The following RIBC2 variants were observed in gnomAD, a reference collection of about 807,000 sequenced individuals.
RIBC2 encodes RIB43A-like with coiled-coils protein 2.
A neutral mutation model predicts 44.3 loss-of-function variants in RIBC2; 40 were observed. That is an observed-to-expected ratio of 0.90 (90% confidence interval 0.70 to 1.18). RIBC2 has a LOEUF of 1.18. RIBC2 is among the 50% of genes most tolerant of loss of function. The pLI is 0.00. For synonymous variants in RIBC2, 171 were observed against 175.0 expected (o/e 0.98, Z 0.18); for missense variants, 459 against 485.5 (o/e 0.95, Z 0.51).
intron 2 of RIBC2, among the ~76,000 whole-genome samples, chr22:45,417,279 A>T (rs2087434283): frequency 6.6e-6 from 1 of 151,794 alleles, no homozygotes; most frequent in Non-Finnish European, 1.5e-5. Context: ...GGGTTTTTTT[A>T]ATTGATTTGT....
rs1454648662 is a variant in RIBC2, at chr22:45,414,035, G to A, written c.129+20G>A. 3.2e-6 allele frequency: 5 copies of A among 1,551,270 alleles called. No individual in the cohort carries two copies. The East Asian group carries it at 1.2e-4, about 38-fold the overall frequency. Reference sequence around the variant, plus strand: ...ATTGGGGTGAAAGGGCAGGGGCCGGGACGGGGTTAGAGCGGCAGATGCGGG... The same window carrying A: ...ATTGGGGTGAAAGGGCAGGGGCCGGAACGGGGTTAGAGCGGCAGATGCGGG... On this transcript the variant is annotated intron_variant, in intron 1 of 6. Transcript: ENST00000614167.
chr22:45,415,603 G>GTATATATA (rs59918831), intron 2 of RIBC2, among the ~76,000 whole-genome samples: 1 of 149,272 alleles, frequency 6.7e-6, no homozygotes, highest in Non-Finnish European at 1.5e-5. Flanking sequence ...TTATATATGT[G>GTATATATA]TATATATATA....
intron 3 of RIBC2, 89 bp downstream of exon 3, chr22:45,418,035 GTTTTTT>G: frequency 2.3e-6 from 1 of 440,830 alleles, no homozygotes; most frequent in Non-Finnish European, 3.9e-6. Flanking sequence ...CAACCCTACA[GTTTTTT>G]TTTTTTTTTA....
chr22:45,414,568 G>C (rs964967006), intron 2 of RIBC2, among the ~76,000 whole-genome samples, 165 bp downstream of exon 2: 1 of 151,136 alleles, frequency 6.6e-6, no homozygotes, highest in African/African-American at 2.4e-5. Context: ...TGGAACTCCT[G>C]CGTGCAAGTG....
At chr22:45,417,379 A>G (rs1477469805) in intron 2 of RIBC2, among the ~76,000 whole-genome samples, 1 of 152,080 alleles carries the variant, frequency 6.6e-6, no homozygotes, top group East Asian at 1.9e-4. Context: ...CACTGAAAAA[A>G]TTAGTTTTTA....
At chr22:45,432,141 G>T in intron 6 of RIBC2, 143 bp from the exon 7 acceptor site, 1 of 556,888 alleles carries the variant, frequency 1.8e-6, no homozygotes. Context: ...CATTTTGGGG[G>T]GCTCATTAGG....
At chr22:45,414,493 T>A (rs1196320295) in intron 2 of RIBC2, 90 bp downstream of exon 2, 12 of 822,076 alleles carry the variant, frequency 1.5e-5, no homozygotes, top group South Asian at 6.4e-5. Flanking sequence ...CCCGCCTTTT[T>A]TTTTTTATTT....
rs1409894793 is a variant in RIBC2 at position 45,414,066 on chromosome 22, G to A, written c.129+51G>A. On this transcript the variant is annotated intron_variant, in intron 1 of 6. Transcript: ENST00000614167. The stretch of plus-strand genomic sequence containing the variant: ...GTTAGAGCGGCAGATGCGGGCGAGG[G>A]GCTGCGTGGAGGGGGAAAGGAGATG... The A allele has an allele frequency of 3.9e-6, 6 of 1,545,224 alleles. No homozygotes were observed. In the East Asian group the frequency reaches 9.8e-5, roughly 25 times the overall value.
chr22:45,414,488 C>A, intron 2 of RIBC2, 85 bp downstream of exon 2: 1 of 701,252 alleles, frequency 1.4e-6, no homozygotes, highest in Non-Finnish European at 2.1e-6. Context: ...CCTGCCCCGC[C>A]TTTTTTTTTT....
At chr22:45,414,140 C>A (rs774721511) in intron 1 of RIBC2, 125 bp downstream of exon 1, 60 of 1,482,632 alleles carry the variant, frequency 4.0e-5, no homozygotes, top group Non-Finnish European at 5.1e-5. Context: ...CGGCCTCCTG[C>A]AGGGCCAATA....
intron 2 of RIBC2, 146 bp downstream of exon 2, chr22:45,414,549 A>C: frequency 2.0e-6 from 1 of 511,338 alleles, no homozygotes; most frequent in South Asian, 3.0e-5. Flanking sequence ...TATGTTGCCC[A>C]GGCTGGTCTG....
Position 45,422,546 on chromosome 22 carries a change from C to T in RIBC2, c.675+138C>T, listed in dbSNP as rs183352645. On this transcript the variant is annotated intron_variant, in intron 4 of 6. Transcript: ENST00000614167. ...TCACATGACCGGCCCTGACAGAGACCCTGATGGGCTGCCTGATGACAGAGA... is the reference window on the plus strand; with the variant it reads ...TCACATGACCGGCCCTGACAGAGACTCTGATGGGCTGCCTGATGACAGAGA... The T allele has an allele frequency of 2.1e-4, 144 of 691,632 alleles. No homozygotes were observed. The East Asian group carries it at 3.3e-3, about 16-fold the overall frequency. 42.8% of individuals were successfully genotyped at this position (691,632 alleles called of 1,614,324 possible). A position where few individuals can be genotyped will look rare whatever the true frequency, so the allele number is the denominator to read the frequency against.
chr22:45,425,992 A>G lies in RIBC2; in HGVS notation c.720A>G (p.Glu240=). The stretch of plus-strand genomic sequence containing the variant: ...GGAAAAAGCAAGAGAAAAAGCAAGA[A>G]CAAGAGGACAACTTGGCCGAGATCA... ...VERKKQEKKQ[E]QEDNLAEITN... is the part of the protein sequence containing the mutation. The change falls in exon 5 of 7, where the codon GAA becomes GAG. Residue 240 remains glutamate, a synonymous_variant. Transcript: ENST00000614167. The G allele has an allele frequency of 1.2e-6, 2 of 1,614,052 alleles. No homozygotes were observed. Among genetic ancestry groups the G allele is most frequent in the Non-Finnish European group, 1.7e-6 (2 of 1,180,010 alleles).
At position 45,422,358 on chromosome 22, in the gene RIBC2, A is replaced by G; in HGVS notation, c.625A>G (p.Thr209Ala). Residue 209 changes from threonine to alanine, a missense_variant, in exon 4 of 7, where the codon ACC (threonine) becomes GCC (alanine). Physicochemically the swap from Thr to Ala is moderately conservative, Grantham distance 58. Coordinates refer to ENST00000614167, the MANE Select transcript of RIBC2 (RefSeq NM_015653.5). ...TAKHLQKLES[T>A]TRKAVCASVK... ...CAAGCACCTCCAGAAGCTGGAAAGCACCACCAGAAAGGCAGTTTGTGCATC... is the reference window on the plus strand; with the variant it reads ...CAAGCACCTCCAGAAGCTGGAAAGCGCCACCAGAAAGGCAGTTTGTGCATC... The G allele has an allele frequency of 6.2e-7, 1 of 1,614,210 alleles. No homozygotes were observed. Among genetic ancestry groups the G allele is most frequent in the South Asian group, 1.1e-5 (1 of 91,084 alleles).
intron 4 of RIBC2, among the ~76,000 whole-genome samples, 189 bp from the exon 5 acceptor site, chr22:45,425,759 C>T (rs192372868): frequency 9.8e-5 from 15 of 152,290 alleles, no homozygotes; most frequent in African/African-American, 3.4e-4. Context: ...ACCCGCCCAG[C>T]AGTGCGCAGG....
At chr22:45,414,635 C>T (rs764906055) in intron 2 of RIBC2, among the ~76,000 whole-genome samples, 13 of 152,056 alleles carry the variant, frequency 8.5e-5, no homozygotes, top group Non-Finnish European at 1.5e-4. Flanking sequence ...CCACGGTACC[C>T]AGCCCTCCTT....
At chr22:45,415,637 C>T (rs1421558376) in intron 2 of RIBC2, among the ~76,000 whole-genome samples, 1 of 151,828 alleles carries the variant, frequency 6.6e-6, no homozygotes. Flanking sequence ...CAACACTGCC[C>T]TGCCCCCTAC....
At chr22:45,427,842 C>G (rs1028222872) in intron 5 of RIBC2, among the ~76,000 whole-genome samples, 6 of 152,212 alleles carry the variant, frequency 3.9e-5, no homozygotes, top group African/African-American at 1.4e-4. Context: ...GTCATGTTGG[C>G]CAGGCTGGTC....
At chr22:45,431,671 A>G (rs1255466415) in intron 6 of RIBC2, among the ~76,000 whole-genome samples, 1 of 152,110 alleles carries the variant, frequency 6.6e-6, no homozygotes, top group South Asian at 2.1e-4. Context: ...TAAAAGGAGC[A>G]TTAAGAGTGA....
Sources: gnomAD v4.1 joint callset for allele counts (sites outside exome capture counted in the v4.1 genomes callset) on GRCh38, gnomAD v4.1.1 for gene constraint, MANE v1.5 for transcripts, NCBI Gene and HGNC (gene_info 2026-07-23, HGNC 2026-07-21) for gene names.